Variants in EPHA5 observed in about 807,000 individuals in gnomAD.
EPHA5 encodes the protein ephrin type-A receptor 5.
EPHA5 carries 60 observed loss-of-function variants against 105.0 expected under a neutral mutation model. That is an observed-to-expected ratio of 0.57 (90% CI 0.46 to 0.71). The LOEUF (loss-of-function observed/expected upper bound fraction) is 0.71. EPHA5 is among the 30% of genes least tolerant of loss of function. The pLI is 0.00. For missense variants in EPHA5, 1,218 were observed against 1,274.7 expected (o/e 0.96, Z 0.68); for synonymous variants, 513 against 449.1 (o/e 1.14, Z -1.80).
At chr4:65,589,794 G>A (rs1742463007) in intron 3 of EPHA5, among the ~76,000 whole-genome samples, 1 of 152,174 alleles carries the variant, frequency 6.6e-6, no homozygotes, top group African/African-American at 2.4e-5. Context: ...AAGTAATTAT[G>A]TTGCTTTCAG....
chr4:65,489,137 T>C (rs967907583), intron 5 of EPHA5, among the ~76,000 whole-genome samples: 3 of 152,092 alleles, frequency 2.0e-5, no homozygotes, highest in Non-Finnish European at 2.9e-5. Context: ...GACCTCGTGA[T>C]CCACCCATCT....
intron 5 of EPHA5, among the ~76,000 whole-genome samples, chr4:65,446,370 C>A (rs1726531956): frequency 6.6e-6 from 1 of 151,900 alleles, no homozygotes; most frequent in South Asian, 2.1e-4. Flanking sequence ...TATGCTTTTT[C>A]CTGTATATTT....
intron 5 of EPHA5, among the ~76,000 whole-genome samples, chr4:65,467,819 A>G (rs1728863020): frequency 1.3e-5 from 2 of 152,206 alleles, no homozygotes; most frequent in South Asian, 4.1e-4. Flanking sequence ...GGTGGGCCCA[A>G]TGTAATAACA....
At chr4:65,408,146 T>C (rs570188978) in intron 7 of EPHA5, among the ~76,000 whole-genome samples, 1 of 152,152 alleles carries the variant, frequency 6.6e-6, no homozygotes, top group Non-Finnish European at 1.5e-5. Context: ...ATTAATGATA[T>C]CATTAATTAT....
chr4:65,343,744 A>T (rs2148829866), intron 14 of EPHA5, among the ~76,000 whole-genome samples: 1 of 152,326 alleles, frequency 6.6e-6, no homozygotes, highest in East Asian at 1.9e-4. Context: ...CAATGCATGC[A>T]TTGGACATTG....
intron 1 of EPHA5, among the ~76,000 whole-genome samples, chr4:65,646,472 T>C (rs1001340053): frequency 7.9e-5 from 12 of 152,172 alleles, no homozygotes; most frequent in Non-Finnish European, 1.5e-4. Context: ...TCTGAGTTCA[T>C]TAGTGGATGA....
At chr4:65,449,824 T>G (rs1197132789) in intron 5 of EPHA5, among the ~76,000 whole-genome samples, 2 of 152,052 alleles carry the variant, frequency 1.3e-5, no homozygotes, top group African/African-American at 2.4e-5. Flanking sequence ...AAGAATGCCT[T>G]GTGGACACTG....
At chr4:65,330,829 T>C in intron 16 of EPHA5, 3 of 1,031,776 alleles carry the variant, frequency 2.9e-6, no homozygotes, top group Non-Finnish European at 3.5e-6. Flanking sequence ...AGATATGATC[T>C]GGTGGACCGT....
intron 2 of EPHA5, among the ~76,000 whole-genome samples, chr4:65,615,226 A>G (rs1745124694): frequency 6.6e-6 from 1 of 151,790 alleles, no homozygotes; most frequent in African/African-American, 2.4e-5. Flanking sequence ...AGAGAAAAAA[A>G]TGGCAGGTAC....
chr4:65,662,508 G>T (rs1235120270), intron 1 of EPHA5, among the ~76,000 whole-genome samples: 2 of 152,004 alleles, frequency 1.3e-5, no homozygotes, highest in African/African-American at 4.8e-5. Flanking sequence ...TTAATCTGTG[G>T]GGTGTCCAAC....
At chr4:65,518,850 G>A (rs527663646) in intron 3 of EPHA5, among the ~76,000 whole-genome samples, 424 of 152,116 alleles carry the variant, frequency 2.8e-3, no homozygotes, top group Non-Finnish European at 4.4e-3. Context: ...AAAAGTCTAG[G>A]ACCAGACAGA....
Position 65,538,659 on chromosome 4 carries a change from T to C in EPHA5, c.911-43116A>G, listed in dbSNP as rs1344558968. Among the ~76,000 whole-genome samples, 3 of 151,696 alleles carry C rather than the reference T, an allele frequency of 2.0e-5. No homozygotes were observed. In the East Asian group the frequency reaches 5.8e-4, roughly 29 times the overall value. On this transcript the variant is annotated intron_variant, in intron 3 of 16. Coordinates refer to ENST00000613740, the MANE Select transcript of EPHA5 (RefSeq NM_001281766.3). ...TGACTCCTAGATGTAGTCTTCATTCTTAATAATAGGACTTCCTGTGTTGTA... is the reference window on the plus strand; with the variant it reads ...TGACTCCTAGATGTAGTCTTCATTCCTAATAATAGGACTTCCTGTGTTGTA...
At chr4:65,372,710 G>A (rs1349546408) in intron 8 of EPHA5, among the ~76,000 whole-genome samples, 2 of 151,780 alleles carry the variant, frequency 1.3e-5, no homozygotes, top group African/African-American at 4.8e-5. Flanking sequence ...ATTTGATCAA[G>A]GGTGCTAACA....
intron 3 of EPHA5, among the ~76,000 whole-genome samples, chr4:65,562,670 T>A (rs1739137917): frequency 6.6e-6 from 1 of 152,186 alleles, no homozygotes; most frequent in African/African-American, 2.4e-5. Flanking sequence ...AGTTAGTGAC[T>A]TTTTCTATTA....
At chr4:65,520,361 T>TTG (rs1251364202) in intron 3 of EPHA5, among the ~76,000 whole-genome samples, 1 of 152,130 alleles carries the variant, frequency 6.6e-6, no homozygotes, top group Non-Finnish European at 1.5e-5. Context: ...TCCTTACACC[T>TTG]TATACAAAAA....
chr4:65,335,243 T>C (rs775540621), intron 15 of EPHA5, among the ~76,000 whole-genome samples: 4 of 152,052 alleles, frequency 2.6e-5, no homozygotes, highest in Non-Finnish European at 4.4e-5. Context: ...AACTGATTTA[T>C]TTTTTGAGAA....
intron 3 of EPHA5, among the ~76,000 whole-genome samples, chr4:65,529,203 A>G (rs1369715030): frequency 6.6e-6 from 1 of 152,178 alleles, no homozygotes; most frequent in Non-Finnish European, 1.5e-5. Context: ...AAAAAATAAA[A>G]GAATACAAGC....
chr4:65,379,067 G>T lies in EPHA5; in HGVS notation c.1794-11643C>A, dbSNP rs1719299155. On this transcript the variant is annotated intron_variant, in intron 8 of 16. Transcript: ENST00000613740. ...AACACAAATATACTTCTAGTTGAAA[G>T]TGTGCACAGTTTATAAATTCATATA... Among the ~76,000 whole-genome samples the T allele has an allele frequency of 3.3e-5, 5 of 151,832 alleles. No homozygotes were observed. In the South Asian group the frequency reaches 1.0e-3, roughly 31 times the overall value.
At chr4:65,642,967 T>C (rs1057177963) in intron 2 of EPHA5, among the ~76,000 whole-genome samples, 1 of 152,048 alleles carries the variant, frequency 6.6e-6, no homozygotes, top group Non-Finnish European at 1.5e-5. Flanking sequence ...ACACTGATCA[T>C]AGACCTGTTA....
Sources: allele counts gnomAD v4.1 joint callset (sites outside exome capture counted in the v4.1 genomes callset), GRCh38; gene constraint gnomAD v4.1.1; transcripts MANE v1.5; gene names NCBI Gene and HGNC (gene_info 2026-07-23, HGNC 2026-07-21).